Variants in TMEM94 observed in about 807,000 individuals in gnomAD.
TMEM94 encodes transmembrane protein 94, also known as ER Mg2+ ATPase.
Under a neutral mutation model 158.6 loss-of-function variants are expected in TMEM94, and 81 were observed. The observed-to-expected ratio is 0.51, with a 90% confidence interval of 0.43 to 0.61. The LOEUF (loss-of-function observed/expected upper bound fraction) is 0.61, where lower values mean the gene tolerates loss of function less well. TMEM94 is among the 20% of genes least tolerant of loss of function. The probability of loss-of-function intolerance (pLI) is 0.00; values close to 1 mark genes in which losing one functional copy is unlikely to be tolerated. For synonymous variants in TMEM94, 751 were observed against 730.7 expected (o/e 1.03, Z -0.45); for missense variants, 1,435 against 1,762.0 (o/e 0.81, Z 3.32).
intron 2 of TMEM94, among the ~76,000 whole-genome samples, chr17:75,483,315 A>C (rs1794621616): frequency 6.6e-6 from 1 of 152,062 alleles, no homozygotes; most frequent in African/African-American, 2.4e-5. Context: ...TGGGTTTGGA[A>C]AAGTTAGAGA....
chr17:75,469,106 T>C (rs2050406607), intron 1 of TMEM94, among the ~76,000 whole-genome samples: 1 of 152,126 alleles, frequency 6.6e-6, no homozygotes, highest in Non-Finnish European at 1.5e-5. Context: ...CAGATTGGGC[T>C]GCCCATCGTG....
At chr17:75,497,700 A>C (rs1437714737) in intron 26 of TMEM94, 81 bp from the exon 27 acceptor site, 3 of 1,157,472 alleles carry the variant, frequency 2.6e-6, no homozygotes, top group Non-Finnish European at 3.9e-6. Context: ...CACGCGCAAG[A>C]CTCCCTAGAG....
At chr17:75,479,894 G>C (rs768947694) in intron 2 of TMEM94, among the ~76,000 whole-genome samples, 1 of 151,988 alleles carries the variant, frequency 6.6e-6, no homozygotes, top group Non-Finnish European at 1.5e-5. Context: ...TTCCAACTTG[G>C]GCAACAGGAG....
In TMEM94 at chr17:75,491,960, C is replaced by G. The variant is rs1374079340; in HGVS notation, c.1596+60C>G. 3 of 1,465,304 alleles carry G rather than the reference C, an allele frequency of 2.0e-6. No individual in the cohort carries two copies. The East Asian group carries it at 7.3e-5, about 36-fold the overall frequency. 90.8% of individuals were successfully genotyped at this position (1,465,304 alleles called of 1,614,324 possible). A position where few individuals can be genotyped will look rare whatever the true frequency, so the allele number is the denominator to read the frequency against. On this transcript the variant is annotated intron_variant, in intron 14 of 31. Transcript: ENST00000314256. The surrounding 1 kb of genome is among the most constrained non-coding windows in gnomAD (Gnocchi z 5.1). ...CTCGGCCACAGGCTGTCCTGGCCTC[C>G]CTGGCCAGCCTGGCCTCACAAGGTC...
chr17:75,488,708 T>G lies in TMEM94; in HGVS notation c.613-51T>G, dbSNP rs780871444. On this transcript the variant is annotated intron_variant, in intron 6 of 31. Transcript: ENST00000314256. ...ACTTAGATGAATTGTCCAGGAAGAG[T>G]GGCCTCTGATAGGACCCTCTCGTTC... is the stretch of plus-strand genomic sequence containing the variant. 3.1e-6 allele frequency: 5 copies of G among 1,601,176 alleles called. No homozygotes were observed. In the Admixed American group the frequency reaches 6.8e-5, roughly 22 times the overall value.
chr17:75,472,071 A>G, intron 2 of TMEM94, 142 bp downstream of exon 2: 1 of 750,166 alleles, frequency 1.3e-6, no homozygotes, highest in Non-Finnish European at 2.3e-6. Flanking sequence ...GTCTTGGGGG[A>G]TGCGACTGTG....
rs1226566039 is a variant in TMEM94 at position 75,489,208 on chromosome 17, A to C, written c.765-58A>C. The C allele has an allele frequency of 6.7e-6, 10 of 1,502,072 alleles. No homozygotes were observed. The highest frequency in any genetic ancestry group is 9.3e-6 in the Non-Finnish European group (10 of 1,079,088). The allele number at this position is 1,502,072 out of a possible 1,614,324, so 93.0% of individuals were successfully genotyped here. ...TGGCAGAGAGGCCCAGAATCCTCCCAAGGTGTAGGTTTCTAGCCTCTCTGC... is the reference window on the plus strand; with the variant it reads ...TGGCAGAGAGGCCCAGAATCCTCCCCAGGTGTAGGTTTCTAGCCTCTCTGC... On this transcript the variant is annotated intron_variant, in intron 7 of 31. Coordinates refer to ENST00000314256, the MANE Select transcript of TMEM94 (RefSeq NM_014738.6). This position sits in a 1 kb window ranked among gnomAD's most constrained non-coding sequence, Gnocchi z 5.0.
intron 18 of TMEM94, 56 bp from the exon 19 acceptor site, chr17:75,494,571 C>T: frequency 6.3e-7 from 1 of 1,579,362 alleles, no homozygotes; most frequent in South Asian, 1.1e-5. Flanking sequence ...GTGTGTGGCC[C>T]TGGGCTGGTT....
chr17:75,485,588 G>A lies in TMEM94; in HGVS notation c.144+41G>A. 6.2e-7 allele frequency: 1 copy of A among 1,613,390 alleles called. No individual in the cohort carries two copies. Among genetic ancestry groups the A allele is most frequent in the Non-Finnish European group, 8.5e-7 (1 of 1,179,464 alleles). Reference sequence around the variant, plus strand: ...GGGGCTACCAGGGCCTGGCTGGGATGGCAGGGAAGTGTGGGAGGCCCCTTC... The same window carrying A: ...GGGGCTACCAGGGCCTGGCTGGGATAGCAGGGAAGTGTGGGAGGCCCCTTC... On this transcript the variant is annotated intron_variant, in intron 3 of 31. Transcript: ENST00000314256. The surrounding 1 kb of genome is among the most constrained non-coding windows in gnomAD (Gnocchi z 5.5).
At chr17:75,488,624 G>A in intron 6 of TMEM94, 135 bp from the exon 7 acceptor site, 1 of 1,008,702 alleles carries the variant, frequency 9.9e-7, no homozygotes, top group Non-Finnish European at 1.5e-6. Flanking sequence ...TAGTCCCACA[G>A]GCCCTGTCCC....
chr17:75,465,679 A>ATATATATATATATATATATAT (rs1247855961), intron 1 of TMEM94, among the ~76,000 whole-genome samples: 4 of 124,844 alleles, frequency 3.2e-5, no homozygotes, highest in African/African-American at 1.4e-4. Flanking sequence ...ATATATATAT[A>ATATATATATATATATATATAT]TTTTTTTTTA....
chr17:75,499,199 C>T, intron 31 of TMEM94, 63 bp from the exon 32 acceptor site: 2 of 1,603,112 alleles, frequency 1.2e-6, no homozygotes, highest in Non-Finnish European at 1.7e-6. Context: ...CCTCTGGTGT[C>T]CTGCCCCGGC....
chr17:75,496,912 G>C, intron 25 of TMEM94, 105 bp downstream of exon 25: 1 of 1,304,390 alleles, frequency 7.7e-7, no homozygotes, highest in Non-Finnish European at 1.1e-6. Context: ...GTACAGTCAA[G>C]GGGTCCCCCC....
chr17:75,486,060 C>G, intron 4 of TMEM94, 62 bp downstream of exon 4: 21 of 1,535,762 alleles, frequency 1.4e-5, no homozygotes, highest in Non-Finnish European at 1.7e-5. Context: ...GCCGCGGCAC[C>G]TGGGACAGAC....
At position 75,480,967 on chromosome 17, in the gene TMEM94, G is replaced by A. The variant is rs546258527; in HGVS notation, c.25-4461G>A. On this transcript the variant is annotated intron_variant, in intron 2 of 31. Coordinates refer to ENST00000314256, the MANE Select transcript of TMEM94 (RefSeq NM_014738.6). ...AAGCTCAGAAGGCTGAGCCTGAGGG[G>A]AAGACACTGGAGGCCTGGGGTCTCT... Among the ~76,000 whole-genome samples, 10 of 152,310 alleles carry A rather than the reference G, an allele frequency of 6.6e-5. No homozygotes were observed. The East Asian group carries it at 1.7e-3, about 26-fold the overall frequency.
intron 1 of TMEM94, among the ~76,000 whole-genome samples, chr17:75,459,974 C>A: frequency 6.6e-6 from 1 of 152,128 alleles, no homozygotes; most frequent in East Asian, 1.9e-4. Flanking sequence ...TCCGAGCAGA[C>A]CCGCCAGCCA....
Position 75,474,702 on chromosome 17 carries a change from T to C in TMEM94, c.24+2773T>C, listed in dbSNP as rs574233510. Among the ~76,000 whole-genome samples, 8 of 151,758 alleles carry C rather than the reference T, an allele frequency of 5.3e-5. No homozygotes were observed. The East Asian group carries it at 1.4e-3, about 26-fold the overall frequency. On this transcript the variant is annotated intron_variant, in intron 2 of 31. Transcript: ENST00000314256. ...ACAGTCAGAAGGTGTCTTGGAGGAG[T>C]AGGCTTTGGAGGAGCTGGCATAGTG... is the stretch of plus-strand genomic sequence containing the variant.
Position 75,499,429 on chromosome 17 carries a change from G to C in TMEM94, c.*95G>C. On this transcript the variant is annotated 3_prime_UTR_variant, in exon 32 of 32. Coordinates refer to ENST00000314256, the MANE Select transcript of TMEM94 (RefSeq NM_014738.6). ...GAGTTTGTATCATGAATGTTTCCAGGTTTGCTCCTGCACCCGTGGCACTGG... is the reference window on the plus strand; with the variant it reads ...GAGTTTGTATCATGAATGTTTCCAGCTTTGCTCCTGCACCCGTGGCACTGG... 5.7e-6 allele frequency: 7 copies of C among 1,238,298 alleles called. No homozygotes were observed. The highest frequency in any genetic ancestry group is 8.2e-6 in the Non-Finnish European group (7 of 856,386). 76.7% of individuals were successfully genotyped at this position (1,238,298 alleles called of 1,614,324 possible).
chr17:75,491,989 A>G lies in TMEM94; in HGVS notation c.1596+89A>G. The G allele has an allele frequency of 7.6e-7, 1 of 1,316,242 alleles. No individual in the cohort carries two copies. The highest frequency in any genetic ancestry group is 1.1e-6 in the Non-Finnish European group (1 of 943,558). The allele number at this position is 1,316,242 out of a possible 1,614,324, so 81.5% of individuals were successfully genotyped here. A position where few individuals can be genotyped will look rare whatever the true frequency, so the allele number is the denominator to read the frequency against. On this transcript the variant is annotated intron_variant, in intron 14 of 31. Transcript: ENST00000314256. The surrounding 1 kb of genome is among the most constrained non-coding windows in gnomAD (Gnocchi z 5.1). ...GCCAGCCTGGCCTCACAAGGTCTGA[A>G]AGAGCAGGCGTCTCTGCCCTCTGTC...
Sources: allele counts gnomAD v4.1 joint callset (sites outside exome capture counted in the v4.1 genomes callset), GRCh38; gene constraint gnomAD v4.1.1; non-coding constraint Gnocchi (gnomAD v3.1); transcripts MANE v1.5; gene names NCBI Gene and HGNC (gene_info 2026-07-23, HGNC 2026-07-21).